DIAPH2: variants seen among roughly 807,000 people sequenced by gnomAD.
DIAPH2 encodes protein diaphanous homolog 2.
In DIAPH2, 35 loss-of-function variants were observed where a neutral mutation model predicts 92.7. The observed-to-expected ratio is 0.38, with a 90% CI of 0.29 to 0.50. The LOEUF (loss-of-function observed/expected upper bound fraction) is 0.50, where lower values mean the gene tolerates loss of function less well. Among genes scored for constraint, DIAPH2 ranks in the 20% least tolerant of loss-of-function variants. The probability of loss-of-function intolerance (pLI) is 0.94; values close to 1 mark genes in which losing one functional copy is unlikely to be tolerated. For synonymous variants in DIAPH2, 301 were observed against 280.4 expected, an observed-to-expected ratio of 1.07 and a Z score of -0.73; for missense variants, 701 against 819.5, an observed-to-expected ratio of 0.86 and a Z score of 1.77.
At chrX:97,568,031 G>A (rs188696181) in intron 26 of DIAPH2, among the ~76,000 whole-genome samples, 3 of 97,865 alleles carry the variant, frequency 3.1e-5, no homozygotes, top group Non-Finnish European at 6.0e-5. Flanking sequence ...CAGGAGAATC[G>A]CTTGAACCTG....
intron 5 of DIAPH2, among the ~76,000 whole-genome samples, chrX:96,897,412 A>G (rs1023781379): frequency 5.8e-4 from 64 of 110,204 alleles, no homozygotes; most frequent in African/African-American, 2.1e-3. Flanking sequence ...TTTTTTTTTC[A>G]AACAGGTCTT....
chrX:97,405,135 C>T (rs1479173819), intron 25 of DIAPH2, among the ~76,000 whole-genome samples: 1 of 111,801 alleles, frequency 8.9e-6, no homozygotes, highest in Non-Finnish European at 1.9e-5. Flanking sequence ...AAAGGCTTGA[C>T]ATTCATTAAT....
chrX:96,707,885 G>T, intron 1 of DIAPH2, among the ~76,000 whole-genome samples: 1 of 111,364 alleles, frequency 9.0e-6, no homozygotes, highest in Non-Finnish European at 1.9e-5. Flanking sequence ...AAAAGTGTTT[G>T]CAAGGCATTT....
chrX:96,788,462 A>G (rs1215383028), intron 4 of DIAPH2, among the ~76,000 whole-genome samples: 3 of 111,972 alleles, frequency 2.7e-5, no homozygotes, highest in African/African-American at 9.7e-5. Flanking sequence ...GACGGCTCCT[A>G]CAAGAAACAT....
rs190020292 is a variant in DIAPH2, at chrX:97,159,406, G to T, written c.2719+17612G>T. On this transcript the variant is annotated intron_variant, in intron 22 of 26. Transcript: ENST00000324765. ...GAATGTTAGCTTTGTCAGTATAATT[G>T]ATTCAGGGTTAAAGAAAACTTTTTT... Among the ~76,000 whole-genome samples the T allele has an allele frequency of 7.5e-4, 84 of 112,292 alleles. 1 individual carries two copies. The highest frequency in any genetic ancestry group is 2.6e-3 in the African/African-American group (82 of 31,008).
At chrX:97,130,880 G>T (rs1321396923) in intron 21 of DIAPH2, among the ~76,000 whole-genome samples, 2 of 110,802 alleles carry the variant, frequency 1.8e-5, no homozygotes, top group Admixed American at 1.9e-4. Flanking sequence ...CGAGGTGGGC[G>T]AATCACTTGA....
chrX:96,941,723 G>A (rs1255891962), intron 12 of DIAPH2, among the ~76,000 whole-genome samples: 3 of 110,284 alleles, frequency 2.7e-5, no homozygotes, highest in Non-Finnish European at 3.8e-5. Context: ...AGAAACAATA[G>A]CATAAGTAAA....
intron 15 of DIAPH2, among the ~76,000 whole-genome samples, chrX:96,952,978 G>T (rs752910175): frequency 4.6e-5 from 5 of 108,497 alleles, no homozygotes; most frequent in East Asian, 5.8e-4. Flanking sequence ...AATTAGCCTG[G>T]GGTAGTGGTG....
chrX:97,172,219 A>G lies in DIAPH2; in HGVS notation c.2719+30425A>G, dbSNP rs140828769. Among the ~76,000 whole-genome samples the G allele has an allele frequency of 5.8e-3, 653 of 112,352 alleles. 7 individuals are homozygous for G. The highest frequency in any genetic ancestry group is 0.02 in the African/African-American group (615 of 30,996). On this transcript the variant is annotated intron_variant, in intron 22 of 26. Transcript: ENST00000324765. ...TAGAATTCTATTTTCTGCAATAGGAATATGACAAACATTTTCTCTTTTTTG... is the reference window on the plus strand; with the variant it reads ...TAGAATTCTATTTTCTGCAATAGGAGTATGACAAACATTTTCTCTTTTTTG...
intron 4 of DIAPH2, among the ~76,000 whole-genome samples, chrX:96,877,098 C>A (rs1447471849): frequency 1.8e-5 from 2 of 111,290 alleles, no homozygotes; most frequent in Non-Finnish European, 3.8e-5. Context: ...ATAGCATTCT[C>A]TGTTCAAACC....
intron 19 of DIAPH2, among the ~76,000 whole-genome samples, chrX:97,095,961 A>G (rs2066865745): frequency 8.9e-6 from 1 of 111,907 alleles, no homozygotes; most frequent in African/African-American, 3.3e-5. Flanking sequence ...AAACCTTCAT[A>G]CTTATCCAGA....
intron 17 of DIAPH2, among the ~76,000 whole-genome samples, chrX:96,999,885 C>G (rs1193258443): frequency 9.0e-6 from 1 of 111,182 alleles, no homozygotes; most frequent in African/African-American, 3.3e-5. Flanking sequence ...CTCACAAGAA[C>G]TGACGCTTTT....
At chrX:96,704,907 C>A (rs2147528349) in intron 1 of DIAPH2, among the ~76,000 whole-genome samples, 1 of 108,874 alleles carries the variant, frequency 9.2e-6, no homozygotes, top group Admixed American at 9.9e-5. Context: ...TCACTGGGAA[C>A]TTCTCTTCCT....
chrX:97,465,829 C>G (rs1406478082), intron 26 of DIAPH2, among the ~76,000 whole-genome samples: 2 of 111,692 alleles, frequency 1.8e-5, no homozygotes, highest in Admixed American at 1.9e-4. Context: ...GCTGGGATTA[C>G]AGGCATTCAC....
chrX:97,231,555 A>G (rs141483920), intron 22 of DIAPH2, among the ~76,000 whole-genome samples: 1,210 of 111,676 alleles, frequency 0.011, 14 homozygotes, highest in African/African-American at 0.038. Flanking sequence ...TATGAATTCA[A>G]TGAAATTTAA....
At chrX:96,915,411 C>CT (rs758048866) in intron 7 of DIAPH2, among the ~76,000 whole-genome samples, 3,445 of 100,675 alleles carry the variant, frequency 0.034, 163 homozygotes, top group African/African-American at 0.11. Context: ...CTTGCATTTT[C>CT]TTTTTTTTTT....
At chrX:97,524,850 CT>C (rs1050064490) in intron 26 of DIAPH2, among the ~76,000 whole-genome samples, 4 of 112,068 alleles carry the variant, frequency 3.6e-5, no homozygotes, top group African/African-American at 1.3e-4. Flanking sequence ...ATATTTTTAA[CT>C]GTCTATATGC....
chrX:96,718,332 C>CTTTTTTTTTT (rs1569373693), intron 1 of DIAPH2, among the ~76,000 whole-genome samples: 5 of 6,829 alleles, frequency 7.3e-4, no homozygotes, highest in African/African-American at 3.2e-3. Flanking sequence ...ACCACATTTT[C>CTTTTTTTTTT]TTTGTTTTTT....
intron 5 of DIAPH2, among the ~76,000 whole-genome samples, chrX:96,907,022 TC>T (rs1383079688): frequency 8.9e-6 from 1 of 111,996 alleles, no homozygotes; most frequent in African/African-American, 3.2e-5. Flanking sequence ...CCACTTGGTC[TC>T]CTGACATGTG....
Sources: allele counts gnomAD v4.1 joint callset (sites outside exome capture counted in the v4.1 genomes callset), GRCh38; gene constraint gnomAD v4.1.1; transcripts MANE v1.5; gene names NCBI Gene and HGNC (gene_info 2026-07-23, HGNC 2026-07-21).